Variants in AGK observed in about 807,000 individuals in gnomAD.
The protein encoded by AGK is acylglycerol kinase.
In AGK, 52 loss-of-function variants were observed where a neutral mutation model predicts 66.4. The ratio of observed to expected loss-of-function variants is 0.78; its 90% CI spans 0.63 to 0.99. The LOEUF (loss-of-function observed/expected upper bound fraction) is 0.99. Among genes scored for constraint, AGK ranks in the 50% least tolerant of loss-of-function variants. The pLI is 0.00. For missense variants in AGK, 451 were observed against 506.6 expected (o/e 0.89, Z 1.05); for synonymous variants, 182 against 181.1 (o/e 1.00, Z -0.04).
At chr7:141,620,355 A>G (rs540335574) in intron 8 of AGK, among the ~76,000 whole-genome samples, 1 of 152,336 alleles carries the variant, frequency 6.6e-6, no homozygotes, top group East Asian at 1.9e-4. Flanking sequence ...CTAACTTTAA[A>G]AAAGAAGTTA....
At chr7:141,580,225 G>A (rs531509988) in intron 2 of AGK, among the ~76,000 whole-genome samples, 12 of 152,052 alleles carry the variant, frequency 7.9e-5, no homozygotes, top group East Asian at 7.7e-4. Context: ...GTGAGGGCCC[G>A]AGTTAAGGCA....
rs1796267614 is a variant in AGK, at chr7:141,598,135, A to AG, written c.221+1496dup. Reference sequence around the variant, plus strand: ...CAGTGAGTGTGACTTCACAGACAGGAGGACACATCCTGCTTTATTTCTTTG... The same window carrying AG: ...CAGTGAGTGTGACTTCACAGACAGGAGGGACACATCCTGCTTTATTTCTTTG... On this transcript the variant is annotated intron_variant, in intron 4 of 15. Coordinates refer to ENST00000649286, the MANE Select transcript of AGK (RefSeq NM_018238.4). The surrounding 1 kb of genome is among the most constrained non-coding windows in gnomAD (Gnocchi z 4.2). Among the ~76,000 whole-genome samples, 2 of 152,246 alleles carry AG rather than the reference A, an allele frequency of 1.3e-5. No individual in the cohort carries two copies. Among genetic ancestry groups the AG allele is most frequent in the African/African-American group, 4.8e-5 (2 of 41,538 alleles).
Position 141,652,843 on chromosome 7 carries a change from G to A in AGK, c.1188G>A (p.Glu396=). The change falls in exon 16 of 16, where the codon GAG becomes GAA. Residue 396 remains glutamate, a synonymous_variant. Transcript: ENST00000649286. ...AGGAGTATGAAGCGATGCCTGTGGA[G>A]GTGAAACTGCTCCCCAGGAAGCTGC... ...DSEEYEAMPV[E]VKLLPRKLQF... The A allele has an allele frequency of 6.2e-7, 1 of 1,614,054 alleles. No homozygotes were observed. Among genetic ancestry groups the A allele is most frequent in the South Asian group, 1.1e-5 (1 of 91,072 alleles).
intron 2 of AGK, among the ~76,000 whole-genome samples, chr7:141,559,945 T>C (rs1795302154): frequency 6.6e-6 from 1 of 152,054 alleles, no homozygotes; most frequent in Non-Finnish European, 1.5e-5. Context: ...CCTACAACTT[T>C]GCTGAATTTA....
At chr7:141,604,374 G>GTA (rs368893843) in intron 5 of AGK, among the ~76,000 whole-genome samples, 26,140 of 113,484 alleles carry the variant, frequency 0.23, 2,826 homozygotes, top group Non-Finnish European at 0.25. Flanking sequence ...GTGTGTGTGT[G>GTA]TATATATATA....
At chr7:141,629,117 T>C (rs1171034406) in intron 9 of AGK, among the ~76,000 whole-genome samples, 2 of 152,210 alleles carry the variant, frequency 1.3e-5, no homozygotes, top group African/African-American at 4.8e-5. Flanking sequence ...TGCTTGAAGC[T>C]GCTTCAGAAC....
At position 141,601,285 on chromosome 7, in the gene AGK, G is replaced by T. The variant is rs923384019; in HGVS notation, c.297+5G>T. ...ATGGATGTGACTATTGTTAAGGTAA[G>T]AATGGCTCCTGAATGTTTATTTCAC... On this transcript the variant is annotated splice_donor_5th_base_variant and intron_variant, in intron 5 of 15. Coordinates refer to ENST00000649286, the MANE Select transcript of AGK (RefSeq NM_018238.4). The T allele has an allele frequency of 2.5e-6, 4 of 1,607,874 alleles. No individual in the cohort carries two copies. Among genetic ancestry groups the T allele is most frequent in the Non-Finnish European group, 3.4e-6 (4 of 1,176,510 alleles).
At chr7:141,590,573 C>T (rs1796091391) in intron 2 of AGK, among the ~76,000 whole-genome samples, 1 of 152,056 alleles carries the variant, frequency 6.6e-6, no homozygotes, top group South Asian at 2.1e-4. Context: ...TATGAGGAAC[C>T]TCATATTATT....
At position 141,615,600 on chromosome 7, in the gene AGK, G is replaced by A. The variant is rs115245729; in HGVS notation, c.518+35G>A. 12 of 1,542,706 alleles carry A rather than the reference G, an allele frequency of 7.8e-6. No individual in the cohort carries two copies. The African/African-American group carries it at 1.2e-4, about 16-fold the overall frequency. The stretch of plus-strand genomic sequence containing the variant: ...CAATGTGGGGAATTAGCATTTGTGG[G>A]TGAGCGAGACTGGGAATGAAAAATT... On this transcript the variant is annotated intron_variant, in intron 8 of 15. Coordinates refer to ENST00000649286, the MANE Select transcript of AGK (RefSeq NM_018238.4).
At chr7:141,604,376 A>ATATATATATG (rs1796407466) in intron 5 of AGK, among the ~76,000 whole-genome samples, 2 of 108,472 alleles carry the variant, frequency 1.8e-5, no homozygotes, top group Admixed American at 1.7e-4. Context: ...GTGTGTGTGT[A>ATATATATATG]TATATATATA....
rs1795595236 is a variant in AGK at position 141,571,049 on chromosome 7, C to G, written c.101+15482C>G. On this transcript the variant is annotated intron_variant, in intron 2 of 15. Coordinates refer to ENST00000649286, the MANE Select transcript of AGK (RefSeq NM_018238.4). Reference sequence around the variant, plus strand: ...GGGAGCCTGAGGCAAGAAGAAAAACCAGTGATACTGGCCCTGACTTTATTT... The same window carrying G: ...GGGAGCCTGAGGCAAGAAGAAAAACGAGTGATACTGGCCCTGACTTTATTT... 2.0e-5 allele frequency among the ~76,000 whole-genome samples: 3 copies of G among 152,182 alleles called. No homozygotes were observed. The South Asian group carries it at 6.2e-4, about 32-fold the overall frequency.
chr7:141,576,082 T>G (rs1250051079), intron 2 of AGK, among the ~76,000 whole-genome samples: 1 of 152,188 alleles, frequency 6.6e-6, no homozygotes, highest in Non-Finnish European at 1.5e-5. Context: ...TCTATTAATA[T>G]TAAATATGTT....
intron 5 of AGK, among the ~76,000 whole-genome samples, chr7:141,604,565 T>C (rs1035121211): frequency 6.6e-6 from 1 of 150,886 alleles, no homozygotes; most frequent in African/African-American, 2.4e-5. Flanking sequence ...AACATTGATG[T>C]ACTATTATCT....
At chr7:141,602,874 A>C (rs555489532) in intron 5 of AGK, among the ~76,000 whole-genome samples, 1 of 151,742 alleles carries the variant, frequency 6.6e-6, no homozygotes, top group Non-Finnish European at 1.5e-5. Context: ...TTTATTTTTA[A>C]ATATTTTCAA....
intron 4 of AGK, among the ~76,000 whole-genome samples, chr7:141,599,714 G>C (rs1222792193): frequency 6.6e-6 from 1 of 152,142 alleles, no homozygotes; most frequent in South Asian, 2.1e-4. Flanking sequence ...ATTGTTTGCA[G>C]TACCACTAGC....
In AGK at chr7:141,555,312, G is replaced by C; in HGVS notation, c.-14-141G>C. 1 of 554,026 alleles carries C rather than the reference G, an allele frequency of 1.8e-6. No homozygotes were observed. Among genetic ancestry groups the C allele is most frequent in the Non-Finnish European group, 3.1e-6 (1 of 317,588 alleles). 34.3% of individuals were successfully genotyped at this position (554,026 alleles called of 1,614,324 possible). On this transcript the variant is annotated intron_variant, in intron 1 of 15. Transcript: ENST00000649286. This position sits in a 1 kb window ranked among gnomAD's most constrained non-coding sequence, Gnocchi z 4.2. ...GAGAAGATGAGCTGAGGCCAGAGGA[G>C]AAGTGGTAAGGAGGAAGAGGAGTGA...
At chr7:141,565,585 G>A (rs571475790) in intron 2 of AGK, among the ~76,000 whole-genome samples, 5 of 151,816 alleles carry the variant, frequency 3.3e-5, no homozygotes, top group African/African-American at 1.2e-4. Context: ...AGGCTGCAGT[G>A]AGCTGAGATC....
intron 2 of AGK, among the ~76,000 whole-genome samples, chr7:141,569,411 G>A (rs1795547240): frequency 6.6e-6 from 1 of 152,102 alleles, no homozygotes; most frequent in South Asian, 2.1e-4. Context: ...GTGTGCGCCT[G>A]TAGTCCCAGC....
chr7:141,652,495 T>A, intron 15 of AGK: 1 of 253,388 alleles, frequency 3.9e-6, no homozygotes, highest in South Asian at 8.3e-5. Flanking sequence ...TAATACATAT[T>A]TGAAAATTAT....
Sources: allele counts gnomAD v4.1 joint callset (sites outside exome capture counted in the v4.1 genomes callset), GRCh38; gene constraint gnomAD v4.1.1; non-coding constraint Gnocchi (gnomAD v3.1); transcripts MANE v1.5; gene names NCBI Gene and HGNC (gene_info 2026-07-23, HGNC 2026-07-21).